CNTN6: variants seen among roughly 807,000 people sequenced by gnomAD.
The protein encoded by CNTN6 is contactin 6.
In CNTN6, 137 loss-of-function variants were observed where a neutral mutation model predicts 122.8. That is an observed-to-expected ratio of 1.12 (90% CI 0.97 to 1.29). The LOEUF is 1.29. Among genes scored for constraint, CNTN6 ranks in the 50% most tolerant of loss-of-function variants. CNTN6 has a pLI of 0.00. For synonymous variants in CNTN6, 570 were observed against 426.0 expected (o/e 1.34, Z -4.16); for missense variants, 1,634 against 1,223.4 (o/e 1.34, Z -5.01).
chr3:1,186,032 T>A (rs1156264960), intron 2 of CNTN6, among the ~76,000 whole-genome samples: 3 of 152,164 alleles, frequency 2.0e-5, no homozygotes, highest in Admixed American at 1.3e-4. Flanking sequence ...CAAAAGGGAA[T>A]ATAAATGTGA....
rs891297184 is a variant in CNTN6 at position 1,372,365 on chromosome 3, C to A, written c.1559C>A (p.Pro520Gln). 1.2e-6 allele frequency: 2 copies of A among 1,613,506 alleles called. No individual in the cohort carries two copies. Among genetic ancestry groups the A allele is most frequent in the Admixed American group, 1.7e-5 (1 of 59,940 alleles). ...DVTVGESIVLPCQVSHDPSIE... is the reference protein window; with the variant it reads ...DVTVGESIVLQCQVSHDPSIE... ...ACAGTTGGCGAGAGTATAGTGCTAC[C>A]ATGCCAGGTGTCCCATGACCCCTCC... Residue 520 changes from proline (P) to glutamine (Q), a missense_variant, in exon 13 of 23, where the codon CCA (proline) becomes CAA (glutamine). Physicochemically the swap from Pro to Gln is moderately conservative, Grantham distance 76. Coordinates refer to ENST00000446702, the MANE Select transcript of CNTN6 (RefSeq NM_001289080.2).
At position 1,332,892 on chromosome 3, in the gene CNTN6, A is replaced by T. The variant is rs185351857; in HGVS notation, c.1364+2957A>T. Among the ~76,000 whole-genome samples the T allele has an allele frequency of 6.4e-4, 97 of 152,142 alleles. 1 individual carries two copies. The highest frequency in any genetic ancestry group is 3.4e-3 in the Middle Eastern group (1 of 294). On this transcript the variant is annotated intron_variant, in intron 11 of 22. Coordinates refer to ENST00000446702, the MANE Select transcript of CNTN6 (RefSeq NM_001289080.2). The stretch of plus-strand genomic sequence containing the variant: ...ACCCCCTCTTCTTTTTCAAAAGAGT[A>T]TTGACAGAACAGATCCTAAATCCTA...
chr3:1,219,325 C>A (rs558577106), intron 2 of CNTN6, among the ~76,000 whole-genome samples: 83 of 152,284 alleles, frequency 5.5e-4, no homozygotes, highest in African/African-American at 1.9e-3. Flanking sequence ...AAGAGCACAG[C>A]ATCCTGAATC....
intron 4 of CNTN6, among the ~76,000 whole-genome samples, chr3:1,270,162 A>G (rs992680140): frequency 2.2e-4 from 33 of 152,350 alleles, no homozygotes; most frequent in African/African-American, 7.7e-4. Flanking sequence ...CCAGAAAACG[A>G]TGGTGGAAAA....
chr3:1,093,770 A>AT (rs755566345), intron 1 of CNTN6, among the ~76,000 whole-genome samples: 7 of 152,154 alleles, frequency 4.6e-5, no homozygotes, highest in Non-Finnish European at 7.3e-5. Flanking sequence ...TAAGGTTCTT[A>AT]TAATACTTTA....
chr3:1,267,827 A>T (rs1214208283), intron 4 of CNTN6, among the ~76,000 whole-genome samples: 1 of 152,140 alleles, frequency 6.6e-6, no homozygotes, highest in East Asian at 1.9e-4. Context: ...TGGCAATGGA[A>T]TATACACGTT....
chr3:1,336,370 G>T (rs1448145937), intron 11 of CNTN6, among the ~76,000 whole-genome samples: 1 of 151,516 alleles, frequency 6.6e-6, no homozygotes, highest in Non-Finnish European at 1.5e-5. Flanking sequence ...GATTAAATTT[G>T]TATCATTTTT....
intron 4 of CNTN6, among the ~76,000 whole-genome samples, chr3:1,250,709 C>G (rs1325919972): frequency 6.6e-6 from 1 of 152,120 alleles, no homozygotes; most frequent in African/African-American, 2.4e-5. Context: ...CTTGGGCCTC[C>G]TAAAACCAAA....
At chr3:1,198,113 C>A (rs2125412458) in intron 2 of CNTN6, among the ~76,000 whole-genome samples, 1 of 152,222 alleles carries the variant, frequency 6.6e-6, no homozygotes, top group African/African-American at 2.4e-5. Context: ...GAACTTCATT[C>A]TATGAAGCAC....
intron 2 of CNTN6, among the ~76,000 whole-genome samples, chr3:1,175,429 A>G (rs1198274639): frequency 2.0e-5 from 2 of 99,176 alleles, no homozygotes; most frequent in African/African-American, 4.7e-5. Flanking sequence ...AAAGTGAGGT[A>G]TGGGAGAAAA....
chr3:1,350,211 T>C (rs1275452724), intron 11 of CNTN6, among the ~76,000 whole-genome samples: 2 of 151,732 alleles, frequency 1.3e-5, no homozygotes, highest in Non-Finnish European at 2.9e-5. Context: ...CTTGTGAAAA[T>C]GCAGTTTGAT....
chr3:1,097,141 G>A (rs2090572149), intron 1 of CNTN6, among the ~76,000 whole-genome samples: 2 of 152,152 alleles, frequency 1.3e-5, no homozygotes, highest in Non-Finnish European at 2.9e-5. Flanking sequence ...TACGGTAAAG[G>A]CGTAACACAG....
At chr3:1,143,993 A>G (rs1433246352) in intron 1 of CNTN6, among the ~76,000 whole-genome samples, 1 of 152,200 alleles carries the variant, frequency 6.6e-6, no homozygotes, top group East Asian at 1.9e-4. Context: ...AGAAAGAGAC[A>G]ATAGTAGAAG....
At chr3:1,208,628 G>A (rs1015765633) in intron 2 of CNTN6, among the ~76,000 whole-genome samples, 3 of 152,098 alleles carry the variant, frequency 2.0e-5, no homozygotes, top group South Asian at 2.1e-4. Flanking sequence ...GTGATTTACG[G>A]TATGAGTTCT....
intron 2 of CNTN6, among the ~76,000 whole-genome samples, chr3:1,214,040 T>G (rs1432142987): frequency 6.6e-6 from 1 of 151,996 alleles, no homozygotes; most frequent in Admixed American, 6.6e-5. Flanking sequence ...TTGTTTATCT[T>G]ATCGAGGTTG....
At chr3:1,242,533 G>A (rs4065404) in intron 4 of CNTN6, among the ~76,000 whole-genome samples, 15,879 of 152,162 alleles carry the variant, frequency 0.1, 1,039 homozygotes, top group East Asian at 0.31. Flanking sequence ...CTTTGAAAGC[G>A]TGCTGTGGGA....
At chr3:1,364,479 T>C (rs1450143900) in intron 12 of CNTN6, among the ~76,000 whole-genome samples, 2 of 151,554 alleles carry the variant, frequency 1.3e-5, no homozygotes, top group African/African-American at 4.8e-5. Context: ...AAAAGTGACA[T>C]TGATAAGGGT....
chr3:1,247,164 TTTTA>T (rs1167467399), intron 4 of CNTN6, among the ~76,000 whole-genome samples: 2 of 152,070 alleles, frequency 1.3e-5, no homozygotes, highest in Admixed American at 6.6e-5. Context: ...TGCACCTGCA[TTTTA>T]TTTATTTATT....
chr3:1,245,229 T>A (rs867982265), intron 4 of CNTN6, among the ~76,000 whole-genome samples: 1 of 12,174 alleles, frequency 8.2e-5, no homozygotes, highest in Non-Finnish European at 1.6e-4. Context: ...TATATATATA[T>A]ATATATACAC....
Sources: allele counts gnomAD v4.1 joint callset (sites outside exome capture counted in the v4.1 genomes callset), GRCh38; gene constraint gnomAD v4.1.1; transcripts MANE v1.5; gene names NCBI Gene and HGNC (gene_info 2026-07-23, HGNC 2026-07-21).